Variants in SLIT3 observed in about 807,000 individuals in gnomAD.
SLIT3 encodes slit homolog 3 protein.
A neutral mutation model predicts 184.0 loss-of-function variants in SLIT3; 68 were observed. The observed-to-expected ratio is 0.37, with a 90% CI of 0.30 to 0.45. The LOEUF is 0.45. Among genes scored for constraint, SLIT3 ranks in the 20% least tolerant of loss-of-function variants. The probability of loss-of-function intolerance (pLI) is 1.00; values close to 1 mark genes in which losing one functional copy is unlikely to be tolerated. For missense variants in SLIT3, 1,707 were observed against 2,026.0 expected, an observed-to-expected ratio of 0.84 and a Z score of 3.02; for synonymous variants, 831 against 828.6, an observed-to-expected ratio of 1.00 and a Z score of -0.05.
chr5:168,823,852 C>T lies in SLIT3; in HGVS notation c.558-521G>A, dbSNP rs185460129. ...GAGTCCAGCACTACCTTGCTGCATT[C>T]TCCTTGATACTCCCATTGCATGTGT... On this transcript the variant is annotated intron_variant, in intron 6 of 35. Transcript: ENST00000519560. 1.2e-4 allele frequency among the ~76,000 whole-genome samples: 18 copies of T among 152,340 alleles called. No individual in the cohort carries two copies. In the East Asian group the frequency reaches 3.3e-3, roughly 28 times the overall value.
intron 5 of SLIT3, among the ~76,000 whole-genome samples, chr5:168,861,965 G>A (rs1330816901): frequency 6.6e-6 from 1 of 152,206 alleles, no homozygotes; most frequent in Non-Finnish European, 1.5e-5. Flanking sequence ...TAGCAGCCGT[G>A]AGAGCATCAT....
chr5:168,838,345 A>G (rs1758123110), intron 6 of SLIT3, among the ~76,000 whole-genome samples: 1 of 152,090 alleles, frequency 6.6e-6, no homozygotes, highest in Non-Finnish European at 1.5e-5. Context: ...GTTGTGGTGA[A>G]GATTTAATTG....
intron 1 of SLIT3, among the ~76,000 whole-genome samples, chr5:169,262,231 C>A (rs1306826908): frequency 6.6e-6 from 1 of 152,028 alleles, no homozygotes; most frequent in East Asian, 1.9e-4. Flanking sequence ...GATAGGCCAC[C>A]ACAAATAAAC....
At chr5:168,667,731 G>A (rs143223470) in intron 35 of SLIT3, 3 of 152,300 alleles carry the variant, frequency 2.0e-5, no homozygotes, top group South Asian at 2.1e-4. Context: ...AGGCTGTTAC[G>A]GGCACCAGAG....
At chr5:168,800,339 A>C (rs1269033177) in intron 9 of SLIT3, among the ~76,000 whole-genome samples, 1 of 152,184 alleles carries the variant, frequency 6.6e-6, no homozygotes, top group Non-Finnish European at 1.5e-5. Context: ...TAATCCCAGC[A>C]CTTTGGGAGG....
At chr5:169,271,529 G>GC (rs1766612334) in intron 1 of SLIT3, among the ~76,000 whole-genome samples, 1 of 152,194 alleles carries the variant, frequency 6.6e-6, no homozygotes, top group Non-Finnish European at 1.5e-5. Context: ...GGGGCATTGC[G>GC]AGGGGGTAGA....
chr5:168,735,025 A>G (rs1348526896), intron 20 of SLIT3, among the ~76,000 whole-genome samples: 3 of 152,196 alleles, frequency 2.0e-5, no homozygotes, highest in Non-Finnish European at 4.4e-5. Context: ...CAGGCCCTTC[A>G]TGAAAACTCT....
intron 4 of SLIT3, among the ~76,000 whole-genome samples, chr5:169,046,526 C>T (rs866773395): frequency 6.6e-6 from 1 of 152,216 alleles, no homozygotes; most frequent in South Asian, 2.1e-4. Flanking sequence ...CCTATCCCTA[C>T]ACTTGGAGCA....
intron 4 of SLIT3, among the ~76,000 whole-genome samples, chr5:168,986,472 G>A (rs1369432583): frequency 6.6e-6 from 1 of 152,140 alleles, no homozygotes; most frequent in Non-Finnish European, 1.5e-5. Context: ...GTAGCTGCAG[G>A]GAGAGGCTTC....
chr5:169,219,179 T>A (rs1330508424), intron 3 of SLIT3, among the ~76,000 whole-genome samples: 6 of 152,104 alleles, frequency 3.9e-5, no homozygotes. Context: ...GGTGGTTTAT[T>A]ATCAGAAGAA....
intron 3 of SLIT3, among the ~76,000 whole-genome samples, chr5:169,237,150 A>C (rs1430287601): frequency 6.6e-6 from 1 of 152,194 alleles, no homozygotes; most frequent in South Asian, 2.1e-4. Flanking sequence ...AGCTTAGGTC[A>C]GCACCTTTGC....
At chr5:169,118,128 T>C (rs1410280068) in intron 4 of SLIT3, among the ~76,000 whole-genome samples, 1 of 152,212 alleles carries the variant, frequency 6.6e-6, no homozygotes, top group Non-Finnish European at 1.5e-5. Context: ...CACTGAGCTA[T>C]GATCACATTA....
chr5:168,825,956 C>T (rs1757691387), intron 6 of SLIT3, among the ~76,000 whole-genome samples: 3 of 152,186 alleles, frequency 2.0e-5, no homozygotes, highest in Admixed American at 6.5e-5. Context: ...GACTGACCAC[C>T]AGACAAAAAA....
chr5:168,752,417 C>G (rs573582119), intron 18 of SLIT3: 2 of 119,008 alleles, frequency 1.7e-5, no homozygotes, highest in Non-Finnish European at 3.2e-5. Flanking sequence ...TTTTTTGACA[C>G]GGAATCTTGC....
chr5:168,998,713 CA>C (rs770995293), intron 4 of SLIT3, among the ~76,000 whole-genome samples: 6 of 140,708 alleles, frequency 4.3e-5, no homozygotes, highest in South Asian at 4.5e-4. Context: ...CAAAACAAAA[CA>C]AAACAAAACA....
intron 5 of SLIT3, among the ~76,000 whole-genome samples, chr5:168,875,205 G>T (rs986133638): frequency 7.2e-6 from 1 of 138,186 alleles, no homozygotes; most frequent in Non-Finnish European, 1.5e-5. Context: ...AGAGAGAAAG[G>T]GGGGAAGAGG....
At chr5:168,753,821 T>C (rs752273707) in intron 17 of SLIT3, 43 bp downstream of exon 17, 1 of 1,590,550 alleles carries the variant, frequency 6.3e-7, no homozygotes, top group African/African-American at 1.3e-5. Context: ...TGCCCTCCCG[T>C]CTCCCTCTGG....
At chr5:169,245,098 C>T (rs967929575) in intron 2 of SLIT3, among the ~76,000 whole-genome samples, 38 of 152,124 alleles carry the variant, frequency 2.5e-4, no homozygotes, top group African/African-American at 8.9e-4. Context: ...TTATAAAAAC[C>T]ACACATAGAT....
In SLIT3 at chr5:168,992,662, C is replaced by T. The variant is rs545554332; in HGVS notation, c.414-109326G>A. ...GGGTCCTGCTCAGGCCTGGAGGGCA[C>T]CCATTTCCAGCGGCCATCTGTCCCC... On this transcript the variant is annotated intron_variant, in intron 4 of 35. Transcript: ENST00000519560. Among the ~76,000 whole-genome samples the T allele has an allele frequency of 2.0e-5, 3 of 152,198 alleles. No individual in the cohort carries two copies. The South Asian group carries it at 6.2e-4, about 32-fold the overall frequency.
Sources: allele counts gnomAD v4.1 joint callset (sites outside exome capture counted in the v4.1 genomes callset), GRCh38; gene constraint gnomAD v4.1.1; transcripts MANE v1.5; gene names NCBI Gene and HGNC (gene_info 2026-07-23, HGNC 2026-07-21).